GAREM1: variants seen among roughly 807,000 people sequenced by gnomAD.
GAREM1 encodes the protein GRB2-associated and regulator of MAPK protein 1.
Under a neutral mutation model 71.3 loss-of-function variants are expected in GAREM1, and 26 were observed. The observed-to-expected ratio is 0.36, with a 90% CI of 0.27 to 0.51. The LOEUF (loss-of-function observed/expected upper bound fraction) is 0.51, where lower values mean the gene tolerates loss of function less well. GAREM1 is among the 20% of genes least tolerant of loss of function. The probability of loss-of-function intolerance (pLI) is 0.95; values close to 1 mark genes in which losing one functional copy is unlikely to be tolerated. For synonymous variants in GAREM1, 440 were observed against 433.2 expected (o/e 1.02, Z -0.20); for missense variants, 1,026 against 1,103.1 (o/e 0.93, Z 0.99).
intron 1 of GAREM1, chr18:32,412,796 C>T: frequency 4.2e-6 from 4 of 949,820 alleles, no homozygotes; most frequent in Non-Finnish European, 6.7e-6. Context: ...TTTTTCCATA[C>T]TGTTCAAAAT....
rs182922000 is a variant in GAREM1, at chr18:32,395,836, C to A, written c.122-2801G>T. 1.0e-3 allele frequency among the ~76,000 whole-genome samples: 158 copies of A among 152,294 alleles called. 1 individual carries two copies. Among genetic ancestry groups the A allele is most frequent in the African/African-American group, 3.3e-3 (137 of 41,562 alleles). On this transcript the variant is annotated intron_variant, in intron 1 of 5. Coordinates refer to ENST00000269209, the MANE Select transcript of GAREM1 (RefSeq NM_001242409.2). ...TGTAGTGGTTCTCCCAGCACGGAGT[C>A]TGAGATATGAGAATGGACAGACTGC...
At chr18:32,299,084 T>C (rs1462488009) in intron 3 of GAREM1, among the ~76,000 whole-genome samples, 1 of 152,220 alleles carries the variant, frequency 6.6e-6, no homozygotes, top group East Asian at 1.9e-4. Flanking sequence ...AAAAAAGGAC[T>C]GAGCTATCTT....
Position 32,268,766 on chromosome 18 carries a change from C to T in GAREM1, c.1736G>A (p.Ser579Asn), listed in dbSNP as rs751967301. The change falls in exon 6 of 6, where the codon AGC becomes AAC. Residue 579 changes from serine (S) to asparagine (N), a missense_variant and splice_region_variant. Physicochemically the swap from Ser to Asn is conservative, Grantham distance 46. Transcript: ENST00000269209. Reference sequence around the variant, plus strand: ...AGGATTTGTGTCAGTTTTAGTGACGCTGCTTAAAAGCAAACACAGAAGGAG... The same window carrying T: ...AGGATTTGTGTCAGTTTTAGTGACGTTGCTTAAAAGCAAACACAGAAGGAG... ...SYYSSGLHNI[S>N]VTKTDTNPSE... 4 of 1,612,166 alleles carry T rather than the reference C, an allele frequency of 2.5e-6. No homozygotes were observed. Among genetic ancestry groups the T allele is most frequent in the Admixed American group, 3.3e-5 (2 of 59,950 alleles).
At chr18:32,283,680 TATACAAGATATATTA>T (rs1403170865) in intron 4 of GAREM1, among the ~76,000 whole-genome samples, 1 of 152,206 alleles carries the variant, frequency 6.6e-6, no homozygotes, top group African/African-American at 2.4e-5. Context: ...TGCAAGTTAA[TATACAAGATATATTA>T]ACAAAATACA....
chr18:32,400,731 G>A (rs1277930756), intron 1 of GAREM1, among the ~76,000 whole-genome samples: 3 of 152,310 alleles, frequency 2.0e-5, no homozygotes, highest in Admixed American at 6.5e-5. Flanking sequence ...TGATGGGACT[G>A]TAAACTAGTT....
chr18:32,449,082 A>C (rs549808129), intron 1 of GAREM1, among the ~76,000 whole-genome samples: 1 of 152,310 alleles, frequency 6.6e-6, no homozygotes, highest in Non-Finnish European at 1.5e-5. Flanking sequence ...CAAGATCTAG[A>C]ACTGCCTCCG....
rs1161788064 is a variant in GAREM1, at chr18:32,281,860, A to T, written c.1566+5171T>A. ...CCAGATGGCCTGAAGTAACCGAAGA[A>T]TCACAAAAGAAGTGAATATGCCCTG... On this transcript the variant is annotated intron_variant, in intron 4 of 5. Coordinates refer to ENST00000269209, the MANE Select transcript of GAREM1 (RefSeq NM_001242409.2). Among the ~76,000 whole-genome samples, 185 of 152,326 alleles carry T rather than the reference A, an allele frequency of 1.2e-3. 1 individual carries two copies. In the Middle Eastern group the frequency reaches 0.014, roughly 11 times the overall value.
At chr18:32,378,012 CTGTGTGTGTGTGTGTGTGTG>C (rs1157230204) in intron 2 of GAREM1, among the ~76,000 whole-genome samples, 7 of 131,814 alleles carry the variant, frequency 5.3e-5, no homozygotes, top group African/African-American at 1.5e-4. Flanking sequence ...TACTATATAA[CTGTGTGTGTGTGTGTGTGTG>C]TGTGTGTGTG....
In GAREM1 at chr18:32,288,195, T is replaced by C. The variant is rs767494769; in HGVS notation, c.402A>G (p.Ser134=). The C allele has an allele frequency of 6.3e-6, 10 of 1,597,942 alleles. No individual in the cohort carries two copies. Among genetic ancestry groups the C allele is most frequent in the Non-Finnish European group, 6.8e-6 (8 of 1,171,966 alleles). ...EDITFNVKVA[S]GECNEDTEVY... Reference sequence around the variant, plus strand: ...CTTCAGTGTCTTCATTGCATTCACCTGAAGCAACCTACAATATAATAAATC... The same window carrying C: ...CTTCAGTGTCTTCATTGCATTCACCCGAAGCAACCTACAATATAATAAATC... The change falls in exon 4 of 6, where the codon TCA becomes TCG. Residue 134 remains serine, a synonymous_variant. Transcript: ENST00000269209.
chr18:32,465,345 T>C (rs1448051667), intron 1 of GAREM1, among the ~76,000 whole-genome samples: 1 of 152,218 alleles, frequency 6.6e-6, no homozygotes, highest in Non-Finnish European at 1.5e-5. Flanking sequence ...AGACCTCTGA[T>C]GTTTACAAAC....
At chr18:32,365,109 A>AT (rs1369302524) in intron 2 of GAREM1, among the ~76,000 whole-genome samples, 2 of 152,136 alleles carry the variant, frequency 1.3e-5, no homozygotes, top group South Asian at 2.1e-4. Flanking sequence ...GTGACAAGGA[A>AT]TTTTTTTAAA....
intron 4 of GAREM1, among the ~76,000 whole-genome samples, chr18:32,273,714 TGAGAGAGAGAGAGAGAAAGAAA>T (rs2041498309): frequency 6.6e-6 from 1 of 150,954 alleles, no homozygotes; most frequent in Admixed American, 6.6e-5. Context: ...TGTGTGTGTG[TGAGAGAGAGAGAGAGAAAGAAA>T]GAGAGAGAGA....
At chr18:32,442,662 T>C (rs1248795940) in intron 1 of GAREM1, among the ~76,000 whole-genome samples, 1 of 152,170 alleles carries the variant, frequency 6.6e-6, no homozygotes, top group Non-Finnish European at 1.5e-5. Flanking sequence ...ACTTACAGCA[T>C]ATGGGATGTG....
chr18:32,334,533 G>A (rs1006350995), intron 2 of GAREM1, among the ~76,000 whole-genome samples: 10 of 152,284 alleles, frequency 6.6e-5, no homozygotes, highest in Non-Finnish European at 1.3e-4. Context: ...GGGAGGCTCC[G>A]GCTTTATGCA....
At chr18:32,406,071 C>T (rs1309111258) in intron 1 of GAREM1, among the ~76,000 whole-genome samples, 2 of 152,322 alleles carry the variant, frequency 1.3e-5, no homozygotes, top group South Asian at 2.1e-4. Flanking sequence ...ACAAACTTAC[C>T]CTTCACCTTG....
intron 2 of GAREM1, among the ~76,000 whole-genome samples, chr18:32,380,048 C>G (rs1272402498): frequency 6.6e-6 from 1 of 152,214 alleles, no homozygotes; most frequent in Non-Finnish European, 1.5e-5. Flanking sequence ...TGCTCCATTG[C>G]TCCCCCCTGA....
At position 32,267,002 on chromosome 18, in the gene GAREM1, G is replaced by A. The variant is rs1249559136; in HGVS notation, c.*869C>T. On this transcript the variant is annotated 3_prime_UTR_variant, in exon 6 of 6. Transcript: ENST00000269209. Reference sequence around the variant, plus strand: ...CAGTGATGAACCCAAATAAGATTGAGCTTCAAGAGACAGGGTTCTGAGAAT... The same window carrying A: ...CAGTGATGAACCCAAATAAGATTGAACTTCAAGAGACAGGGTTCTGAGAAT... 6.6e-6 allele frequency: 1 copy of A among 152,186 alleles called. No homozygotes were observed. The highest frequency in any genetic ancestry group is 1.5e-5 in the Non-Finnish European group (1 of 68,040). 9.4% of individuals were successfully genotyped at this position (152,186 alleles called of 1,614,324 possible).
rs1189463092 is a variant in GAREM1 at position 32,356,440 on chromosome 18, G to C, written c.262+36455C>G. ...TTTTAGCTCCTCTCTTTGATTCTTA[G>C]AACAAATTCTTTGATATATCCCTCT... On this transcript the variant is annotated intron_variant, in intron 2 of 5. Transcript: ENST00000269209. Among the ~76,000 whole-genome samples, 4 of 152,156 alleles carry C rather than the reference G, an allele frequency of 2.6e-5. No homozygotes were observed. In the East Asian group the frequency reaches 7.7e-4, roughly 29 times the overall value.
At chr18:32,412,479 G>A in intron 1 of GAREM1, 1 of 1,593,022 alleles carries the variant, frequency 6.3e-7, no homozygotes, top group Non-Finnish European at 8.5e-7. Context: ...TCTACCACCA[G>A]CACGGCTGCC....
Sources: allele counts gnomAD v4.1 joint callset (sites outside exome capture counted in the v4.1 genomes callset), GRCh38; gene constraint gnomAD v4.1.1; transcripts MANE v1.5; gene names NCBI Gene and HGNC (gene_info 2026-07-23, HGNC 2026-07-21).